C13orf46: variants seen among roughly 807,000 people sequenced by gnomAD.
The protein encoded by C13orf46 is chromosome 13 open reading frame 46, also known as uncharacterized protein C13orf46.
Position 113,953,900 on chromosome 13 carries a change from G to C in C13orf46, c.*2873C>G, listed in dbSNP as rs946894622. On this transcript the variant is annotated 3_prime_UTR_variant, in exon 7 of 7. Coordinates refer to ENST00000636427, the MANE Select transcript of C13orf46 (RefSeq NM_001365455.2). ...CCCGGCAGCCTGTCCAGGACAGCCC[G>C]TCCAGGGCCCATTTCCGGTTGTCTG... is the stretch of plus-strand genomic sequence containing the variant. 1 of 152,278 alleles carries C rather than the reference G, an allele frequency of 6.6e-6. No individual in the cohort carries two copies. The highest frequency in any genetic ancestry group is 1.9e-4 in the East Asian group (1 of 5,196). 9.4% of individuals were successfully genotyped at this position (152,278 alleles called of 1,614,324 possible).
At chr13:113,936,813 G>A in the C13orf46 span, among the ~76,000 whole-genome samples, 1 of 152,132 alleles carries the variant, frequency 6.6e-6, no homozygotes, top group Non-Finnish European at 1.5e-5. Context: ...TCCAGGGGGG[G>A]AAATCAGTTG....
At chr13:113,973,491 A>C (rs1306668813) in intron 1 of C13orf46, among the ~76,000 whole-genome samples, 1 of 152,104 alleles carries the variant, frequency 6.6e-6, no homozygotes, top group Non-Finnish European at 1.5e-5. Flanking sequence ...GACCCAAAGA[A>C]TGCAGCCCTG....
the C13orf46 span, among the ~76,000 whole-genome samples, chr13:113,931,813 A>G: frequency 2.2e-4 from 33 of 151,924 alleles, no homozygotes; most frequent in Non-Finnish European, 3.5e-4. Context: ...CTTTGTTTAG[A>G]TTTTTTTGAC....
At chr13:113,934,760 G>C in the C13orf46 span, among the ~76,000 whole-genome samples, 1 of 152,244 alleles carries the variant, frequency 6.6e-6, no homozygotes, top group Non-Finnish European at 1.5e-5. Flanking sequence ...TCGCTGCGGA[G>C]ATGTGCTGTG....
chr13:113,968,821 G>A (rs1214032091), intron 2 of C13orf46, 61 bp from the exon 3 acceptor site: 2 of 152,362 alleles, frequency 1.3e-5, no homozygotes, highest in Admixed American at 1.3e-4. Flanking sequence ...GGCAGCTCCT[G>A]GTCTCCTCTG....
chr13:113,970,057 C>T (rs1180948360), intron 2 of C13orf46, 114 bp downstream of exon 2: 1 of 152,342 alleles, frequency 6.6e-6, no homozygotes, highest in East Asian at 1.9e-4. Context: ...CTGTCCCCTT[C>T]TAAGTGTCTA....
the C13orf46 span, among the ~76,000 whole-genome samples, chr13:113,946,089 C>T: frequency 8.1e-5 from 10 of 123,464 alleles, no homozygotes; most frequent in Non-Finnish European, 1.5e-4. Context: ...CCGAATTTGG[C>T]GTTCTTGCTG....
the C13orf46 span, among the ~76,000 whole-genome samples, chr13:113,946,248 G>A: frequency 3.4e-4 from 52 of 152,326 alleles, no homozygotes; most frequent in East Asian, 1.9e-3. Context: ...CCAACGTCGC[G>A]TGGAGGAAGA....
the C13orf46 span, among the ~76,000 whole-genome samples, chr13:113,945,575 AAG>A: frequency 1.4e-3 from 123 of 89,122 alleles, no homozygotes; most frequent in East Asian, 3.9e-3. Context: ...GAAAGAAAGA[AAG>A]AGAGAGAGAG....
chr13:113,931,633 T>C, the C13orf46 span, among the ~76,000 whole-genome samples: 3 of 152,142 alleles, frequency 2.0e-5, no homozygotes, highest in Non-Finnish European at 4.4e-5. Flanking sequence ...TCTCACCAAA[T>C]GTTAGGGTTC....
At chr13:113,929,820 C>G in the C13orf46 span, among the ~76,000 whole-genome samples, 9 of 152,348 alleles carry the variant, frequency 5.9e-5, no homozygotes, top group East Asian at 1.3e-3. Context: ...ATCTGCCATA[C>G]CTGTGATTGC....
At chr13:113,973,384 A>G (rs987787308) in intron 1 of C13orf46, among the ~76,000 whole-genome samples, 2 of 152,126 alleles carry the variant, frequency 1.3e-5, no homozygotes, top group African/African-American at 4.8e-5. Flanking sequence ...TGGGCTGCTC[A>G]TGAAAAACCG....
Position 113,970,791 on chromosome 13 carries a change from G to A in C13orf46, c.191-569C>T, listed in dbSNP as rs544469382. On this transcript the variant is annotated intron_variant, in intron 1 of 6. Transcript: ENST00000636427. ...TTTTTTCGGGACCACTTTATGTCTC[G>A]TGAGGATCTTTACCTTGATGTGACA... 1.8e-4 allele frequency among the ~76,000 whole-genome samples: 27 copies of A among 152,236 alleles called. No homozygotes were observed. In the South Asian group the frequency reaches 5.2e-3, roughly 29 times the overall value.
At chr13:113,935,018 A>C in the C13orf46 span, among the ~76,000 whole-genome samples, 2 of 152,216 alleles carry the variant, frequency 1.3e-5, no homozygotes, top group African/African-American at 2.4e-5. Flanking sequence ...CTTCCCTTCC[A>C]TTCCCACTGG....
At chr13:113,960,767 A>C (rs2052580580) in intron 6 of C13orf46, among the ~76,000 whole-genome samples, 3 of 152,232 alleles carry the variant, frequency 2.0e-5, no homozygotes, top group Admixed American at 2.0e-4. Flanking sequence ...GCACACCCAC[A>C]GCCCTGAAGA....
chr13:113,957,718 T>TG (rs2052550813), intron 6 of C13orf46, among the ~76,000 whole-genome samples: 1 of 118,864 alleles, frequency 8.4e-6, no homozygotes, highest in African/African-American at 3.3e-5. Flanking sequence ...TCAAGCACAC[T>TG]GGGGGTCTCC....
the C13orf46 span, among the ~76,000 whole-genome samples, chr13:113,929,144 G>A: frequency 2.0e-5 from 3 of 152,234 alleles, no homozygotes; most frequent in East Asian, 1.9e-4. Flanking sequence ...GACACTGTGC[G>A]GCAGGGAAGC....
the C13orf46 span, among the ~76,000 whole-genome samples, chr13:113,945,571 A>AGAGAGAGAGAGAG: frequency 1.4e-5 from 1 of 72,300 alleles, no homozygotes; most frequent in African/African-American, 5.7e-5. Context: ...GAAAGAAAGA[A>AGAGAGAGAGAGAG]AGAAAGAGAG....
the C13orf46 span, among the ~76,000 whole-genome samples, chr13:113,945,671 AG>A: frequency 8.4e-3 from 1,119 of 133,570 alleles, 15 homozygotes; most frequent in Non-Finnish European, 0.01. Context: ...AAAGAAAGAA[AG>A]GAAAGAAAAA....
Sources: gnomAD v4.1 joint callset for allele counts (sites outside exome capture counted in the v4.1 genomes callset) on GRCh38, gnomAD v4.1.1 for gene constraint, MANE v1.5 for transcripts, NCBI Gene and HGNC (gene_info 2026-07-23, HGNC 2026-07-21) for gene names.